Variants in JAK1 observed in about 807,000 individuals in gnomAD.
JAK1 encodes the protein Janus kinase 1.
A neutral mutation model predicts 136.6 loss-of-function variants in JAK1; 16 were observed. That is an observed-to-expected ratio of 0.12 (90% CI 0.08 to 0.18). The LOEUF (loss-of-function observed/expected upper bound fraction) is 0.18, where lower values mean the gene tolerates loss of function less well. JAK1 is among the 10% of genes least tolerant of loss of function. The probability of loss-of-function intolerance (pLI) is 1.00; values close to 1 mark genes in which losing one functional copy is unlikely to be tolerated. For synonymous variants in JAK1, 492 were observed against 519.5 expected (o/e 0.95, Z 0.72); for missense variants, 859 against 1,450.1 (o/e 0.59, Z 6.62).
upstream of JAK1, among the ~76,000 whole-genome samples, chr1:64,969,740 T>C (rs1646433172): frequency 2.0e-5 from 3 of 152,072 alleles, no homozygotes; most frequent in Admixed American, 2.0e-4. Context: ...CTCCCAAATT[T>C]TCTGAATTGG....
chr1:64,924,751 T>A (rs900755898), intron 1 of JAK1, among the ~76,000 whole-genome samples: 2 of 152,156 alleles, frequency 1.3e-5, no homozygotes, highest in African/African-American at 4.8e-5. Flanking sequence ...CTGCTGACAT[T>A]CACTTAAAGC....
intron 2 of JAK1, chr1:64,987,118 C>A (rs1380603965): frequency 6.6e-6 from 1 of 152,202 alleles, no homozygotes; most frequent in East Asian, 1.9e-4. Flanking sequence ...CGGTTACCTG[C>A]ACGCACTCCC....
intron 19 of JAK1, 97 bp from the exon 20 acceptor site, chr1:64,839,892 C>G: frequency 1.9e-6 from 2 of 1,029,212 alleles, no homozygotes; most frequent in Non-Finnish European, 1.4e-6. Context: ...CCCCTGAGGG[C>G]CAGGGGTTCT....
intron 4 of JAK1, 44 bp downstream of exon 4, chr1:64,878,981 G>A: frequency 1.2e-6 from 2 of 1,608,882 alleles, no homozygotes. Context: ...CTGTCCCTCA[G>A]TGCAGAGGGA....
intron 2 of JAK1, among the ~76,000 whole-genome samples, chr1:65,010,930 G>T (rs1324341222): frequency 6.6e-6 from 1 of 152,158 alleles, no homozygotes; most frequent in Non-Finnish European, 1.5e-5. Flanking sequence ...TGTGGCTGTA[G>T]TGAGCTATAA....
chr1:64,981,240 A>G (rs1224430923), intron 2 of JAK1, among the ~76,000 whole-genome samples: 1 of 152,224 alleles, frequency 6.6e-6, no homozygotes, highest in Admixed American at 6.5e-5. Flanking sequence ...GGACCTTTCT[A>G]AGTGATCTCT....
At chr1:64,923,329 C>A (rs1265293315) in intron 1 of JAK1, among the ~76,000 whole-genome samples, 1 of 152,190 alleles carries the variant, frequency 6.6e-6, no homozygotes, top group Non-Finnish European at 1.5e-5. Flanking sequence ...AGTCTCACTA[C>A]CCCTTCATTA....
rs1157308593 is a variant in JAK1, at chr1:64,834,439, G to A, written c.*123C>T. 3 of 666,348 alleles carry A rather than the reference G, an allele frequency of 4.5e-6. No homozygotes were observed. Among genetic ancestry groups the A allele is most frequent in the Non-Finnish European group, 8.1e-6 (3 of 370,366 alleles). The allele number at this position is 666,348 out of a possible 1,614,324, so 41.3% of individuals were successfully genotyped here. ...TACATGTATATGTACTGAAGTATGA[G>A]TTCAGTGACTTTTTGGACAGAACAC... On this transcript the variant is annotated 3_prime_UTR_variant, in exon 25 of 25. Transcript: ENST00000342505.
intron 2 of JAK1, among the ~76,000 whole-genome samples, chr1:64,986,802 G>T (rs1646604063): frequency 6.6e-6 from 1 of 151,970 alleles, no homozygotes. Flanking sequence ...AGCCCAGGAG[G>T]TCAAGGCTGC....
rs67653290 is a variant in JAK1, at chr1:64,891,588, CA to C, written c.-77-5248del. ...AAGCCTCCTAACAGCCTAACCTACA[CA>C]ACAAGCCAGGGAAACTGCCAGTGGC... On this transcript the variant is annotated intron_variant, in intron 1 of 24. Coordinates refer to ENST00000342505, the MANE Select transcript of JAK1 (RefSeq NM_002227.4). Among the ~76,000 whole-genome samples the C allele has an allele frequency of 7.9e-3, 1,201 of 152,292 alleles. 14 individuals are homozygous for C. The highest frequency in any genetic ancestry group is 0.027 in the African/African-American group (1,131 of 41,540).
At chr1:64,909,557 C>T (rs1158924739) in intron 1 of JAK1, among the ~76,000 whole-genome samples, 2 of 151,892 alleles carry the variant, frequency 1.3e-5, no homozygotes, top group Non-Finnish European at 2.9e-5. Flanking sequence ...ACAGTGGCTC[C>T]CGCTTGTAAT....
At chr1:64,982,430 T>C (rs564116102) in intron 2 of JAK1, among the ~76,000 whole-genome samples, 103 of 152,286 alleles carry the variant, frequency 6.8e-4, no homozygotes, top group African/African-American at 2.0e-3. Context: ...TCCATATTCT[T>C]TGAAGCCCTT....
chr1:64,906,732 T>G (rs1002116607), intron 1 of JAK1, among the ~76,000 whole-genome samples: 1 of 152,166 alleles, frequency 6.6e-6, no homozygotes, highest in Non-Finnish European at 1.5e-5. Flanking sequence ...AGTGAATACA[T>G]AAATATTGAC....
Position 64,939,167 on chromosome 1 carries a change from C to T in JAK1, c.-78+27166G>A, listed in dbSNP as rs977399398. ...TATTTTTCCCTAAAGACATTCTTGCCCCCAGGGCACACTTTTCTGGCTGCC... is the reference window on the plus strand; with the variant it reads ...TATTTTTCCCTAAAGACATTCTTGCTCCCAGGGCACACTTTTCTGGCTGCC... On this transcript the variant is annotated intron_variant, in intron 1 of 24. Coordinates refer to ENST00000342505, the MANE Select transcript of JAK1 (RefSeq NM_002227.4). Among the ~76,000 whole-genome samples the T allele has an allele frequency of 2.0e-5, 3 of 152,190 alleles. No individual in the cohort carries two copies. In the East Asian group the frequency reaches 5.8e-4, roughly 29 times the overall value.
intron 2 of JAK1, among the ~76,000 whole-genome samples, chr1:65,021,438 CCTTGTCCCAGGCTA>C (rs1646936074): frequency 6.6e-6 from 1 of 152,280 alleles, no homozygotes; most frequent in South Asian, 2.1e-4. Flanking sequence ...TTACCTTTTT[CCTTGTCCCAGGCTA>C]CTTGTCCCAT....
chr1:64,936,741 T>C (rs78237580), intron 1 of JAK1, among the ~76,000 whole-genome samples: 3,101 of 152,204 alleles, frequency 0.02, 117 homozygotes, highest in African/African-American at 0.072. Context: ...ATTAAGTTAG[T>C]TAATCTACTT....
upstream of JAK1, among the ~76,000 whole-genome samples, chr1:64,967,922 A>C (rs2100661372): frequency 6.6e-6 from 1 of 152,242 alleles, no homozygotes; most frequent in African/African-American, 2.4e-5. Flanking sequence ...ACTCTGAACA[A>C]CACCTCAGGG....
intron 1 of JAK1, among the ~76,000 whole-genome samples, chr1:64,919,958 G>T (rs1293954393): frequency 2.0e-5 from 3 of 151,840 alleles, no homozygotes; most frequent in Non-Finnish European, 4.4e-5. Context: ...GCTAAGCACA[G>T]GGCCTGGCAC....
chr1:65,050,410 A>G (rs1007297260), intron 1 of JAK1, among the ~76,000 whole-genome samples: 1 of 152,196 alleles, frequency 6.6e-6, no homozygotes, highest in Non-Finnish European at 1.5e-5. Flanking sequence ...AAACTGAAGG[A>G]TAAGAGGTAA....
Sources: gnomAD v4.1 joint callset for allele counts (sites outside exome capture counted in the v4.1 genomes callset) on GRCh38, gnomAD v4.1.1 for gene constraint, MANE v1.5 for transcripts, NCBI Gene and HGNC (gene_info 2026-07-23, HGNC 2026-07-21) for gene names.